The following FSTL4 variants were observed in gnomAD, a reference collection of about 807,000 sequenced individuals.
FSTL4 encodes the protein follistatin like 4.
In FSTL4, 28 loss-of-function variants were observed where a neutral mutation model predicts 78.2. That is an observed-to-expected ratio of 0.36 (90% confidence interval 0.27 to 0.49). The LOEUF is 0.49. Ranked by LOEUF, FSTL4 falls within the 20% of genes least tolerant of loss-of-function variation. The probability of loss-of-function intolerance (pLI) is 0.98; values close to 1 mark genes in which losing one functional copy is unlikely to be tolerated. For missense variants in FSTL4, 922 were observed against 1,084.9 expected, an observed-to-expected ratio of 0.85 and a Z score of 2.11; for synonymous variants, 422 against 440.5, an observed-to-expected ratio of 0.96 and a Z score of 0.53.
At chr5:133,260,735 A>G (rs1752500115) in intron 6 of FSTL4, among the ~76,000 whole-genome samples, 1 of 152,204 alleles carries the variant, frequency 6.6e-6, no homozygotes, top group African/African-American at 2.4e-5. Flanking sequence ...TGTTTGCTGA[A>G]TATTTAGTAA....
In FSTL4 at chr5:133,426,933, G is replaced by A. The variant is rs1012714405; in HGVS notation, c.161-25947C>T. ...CAACCTAAATCTCAGCATGTCTTAT[G>A]TTCTCAGTGTTCCGTCTCTCAAATG... is the stretch of plus-strand genomic sequence containing the variant. On this transcript the variant is annotated intron_variant, in intron 3 of 15. Coordinates refer to ENST00000265342, the MANE Select transcript of FSTL4 (RefSeq NM_015082.2). The surrounding 1 kb of genome is among the most constrained non-coding windows in gnomAD (Gnocchi z 5.0). Among the ~76,000 whole-genome samples, 2 of 152,186 alleles carry A rather than the reference G, an allele frequency of 1.3e-5. No homozygotes were observed. Among genetic ancestry groups the A allele is most frequent in the East Asian group, 3.9e-4 (2 of 5,194 alleles).
rs148771022 is a variant in FSTL4, at chr5:133,459,629, C to A, written c.161-58643G>T. ...GAATTAACAACAAAGCAAAACCAAA[C>A]AGACAGTCCTTGTCCTCCAGCAGTT... On this transcript the variant is annotated intron_variant, in intron 3 of 15. Coordinates refer to ENST00000265342, the MANE Select transcript of FSTL4 (RefSeq NM_015082.2). Among the ~76,000 whole-genome samples, 358 of 152,258 alleles carry A rather than the reference C, an allele frequency of 2.4e-3. 3 individuals are homozygous for A. The highest frequency in any genetic ancestry group is 7.5e-3 in the African/African-American group (311 of 41,538).
Position 133,469,009 on chromosome 5 carries a change from C to T in FSTL4, c.161-68023G>A, listed in dbSNP as rs1757765687. On this transcript the variant is annotated intron_variant, in intron 3 of 15. Transcript: ENST00000265342. ...AGTATTTGAAAGGCAGGTATAATTACTCTTAATTGCAAAAACCACAATTAC... is the reference window on the plus strand; with the variant it reads ...AGTATTTGAAAGGCAGGTATAATTATTCTTAATTGCAAAAACCACAATTAC... Among the ~76,000 whole-genome samples the T allele has an allele frequency of 2.0e-5, 3 of 152,162 alleles. No homozygotes were observed. The South Asian group carries it at 6.2e-4, about 31-fold the overall frequency.
At chr5:133,781,365 T>TTGTGTG in the FSTL4 span, among the ~76,000 whole-genome samples, 8 of 143,302 alleles carry the variant, frequency 5.6e-5, no homozygotes, top group African/African-American at 1.1e-4. Context: ...TGTTAAGCGG[T>TTGTGTG]TGTGTGTGTG....
the FSTL4 span, among the ~76,000 whole-genome samples, chr5:133,773,771 T>A: frequency 6.6e-6 from 1 of 152,188 alleles, no homozygotes; most frequent in Non-Finnish European, 1.5e-5. Context: ...TTTGAGTGTG[T>A]CACTTTTCTC....
At chr5:133,752,687 G>T in the FSTL4 span, among the ~76,000 whole-genome samples, 2 of 152,098 alleles carry the variant, frequency 1.3e-5, no homozygotes, top group South Asian at 4.1e-4. Context: ...GAAAATAACT[G>T]AGATGTGGAA....
At chr5:133,532,648 C>G (rs545698223) in intron 3 of FSTL4, among the ~76,000 whole-genome samples, 1 of 152,300 alleles carries the variant, frequency 6.6e-6, no homozygotes, top group African/African-American at 2.4e-5. Context: ...ATAAGGACTT[C>G]TGATTCTCTG....
chr5:133,346,134 A>G (rs890573577), intron 4 of FSTL4, among the ~76,000 whole-genome samples: 3 of 152,162 alleles, frequency 2.0e-5, no homozygotes, highest in African/African-American at 4.8e-5. Flanking sequence ...CAGCAAACTA[A>G]CACAGGAGCA....
chr5:133,768,764 A>C, the FSTL4 span, among the ~76,000 whole-genome samples: 2 of 152,260 alleles, frequency 1.3e-5, no homozygotes, highest in African/African-American at 2.4e-5. Context: ...CCCTCAGAGA[A>C]CAGAGAAGCT....
the FSTL4 span, among the ~76,000 whole-genome samples, chr5:133,804,157 GCCTGGAAAGGTT>G: frequency 6.6e-6 from 1 of 152,146 alleles, no homozygotes; most frequent in Admixed American, 6.5e-5. Context: ...TGCTCAAAAT[GCCTGGAAAGGTT>G]CCTGTTCTCC....
the FSTL4 span, among the ~76,000 whole-genome samples, chr5:133,688,714 G>T: frequency 6.6e-6 from 1 of 152,186 alleles, no homozygotes; most frequent in Non-Finnish European, 1.5e-5. Flanking sequence ...TAAAGTCAAT[G>T]ATTCTGACTT....
At chr5:133,589,893 T>C (rs181662932) in intron 2 of FSTL4, among the ~76,000 whole-genome samples, 1 of 152,274 alleles carries the variant, frequency 6.6e-6, no homozygotes, top group Admixed American at 6.5e-5. Flanking sequence ...CTCAAACAGC[T>C]CACTTATCTT....
intron 2 of FSTL4, among the ~76,000 whole-genome samples, chr5:133,598,710 G>A (rs1427462496): frequency 2.0e-3 from 3 of 1,472 alleles, no homozygotes; most frequent in African/African-American, 6.2e-3. Context: ...TACGTGGTTC[G>A]GTTATCCCAG....
At chr5:133,607,205 T>C (rs1272828546) in intron 1 of FSTL4, among the ~76,000 whole-genome samples, 4 of 152,210 alleles carry the variant, frequency 2.6e-5, no homozygotes, top group Non-Finnish European at 2.9e-5. Context: ...TGTCATTTTA[T>C]ACTTAACGGT....
Position 133,233,556 on chromosome 5 carries a change from A to G in FSTL4, c.895-19T>C, listed in dbSNP as rs772163926. On this transcript the variant is annotated intron_variant, in intron 7 of 15. Transcript: ENST00000265342. ...CAAAGTCCTGCACAGGGCAAAGATG[A>G]CGATGAGACTGGCCTCTTTATTGAA... 2 of 1,576,742 alleles carry G rather than the reference A, an allele frequency of 1.3e-6. No homozygotes were observed. Among genetic ancestry groups the G allele is most frequent in the South Asian group, 2.2e-5 (2 of 89,466 alleles).
At chr5:133,683,438 GTTAAA>G in the FSTL4 span, among the ~76,000 whole-genome samples, 1 of 152,224 alleles carries the variant, frequency 6.6e-6, no homozygotes, top group South Asian at 2.1e-4. Context: ...ATACACAGTA[GTTAAA>G]TTAATGATTT....
At chr5:133,437,234 T>A (rs1333611326) in intron 3 of FSTL4, among the ~76,000 whole-genome samples, 1 of 152,202 alleles carries the variant, frequency 6.6e-6, no homozygotes. Context: ...GGCACTCAAG[T>A]GCCTTTGTCA....
chr5:133,241,152 TC>T (rs1302859446), intron 7 of FSTL4, among the ~76,000 whole-genome samples: 2 of 152,266 alleles, frequency 1.3e-5, no homozygotes, highest in South Asian at 4.1e-4. Context: ...TTTAGAGCCC[TC>T]CTGGGCTCTG....
intron 3 of FSTL4, among the ~76,000 whole-genome samples, chr5:133,529,286 C>A (rs1413816758): frequency 6.6e-6 from 1 of 152,200 alleles, no homozygotes; most frequent in Admixed American, 6.5e-5. Context: ...CAACAAATGC[C>A]AGCACCAGAA....
Sources: allele counts gnomAD v4.1 joint callset (sites outside exome capture counted in the v4.1 genomes callset), GRCh38; gene constraint gnomAD v4.1.1; non-coding constraint Gnocchi (gnomAD v3.1); transcripts MANE v1.5; gene names NCBI Gene and HGNC (gene_info 2026-07-23, HGNC 2026-07-21).